Variants in WFDC11 observed in about 807,000 individuals in gnomAD.
The protein encoded by WFDC11 is protein WFDC11.
Under a neutral mutation model 9.9 loss-of-function variants are expected in WFDC11, and 9 were observed. The ratio of observed to expected loss-of-function variants is 0.91; its 90% CI spans 0.55 to 1.58. WFDC11 has a LOEUF of 1.58. Ranked by LOEUF, WFDC11 falls within the 40% of genes most tolerant of loss-of-function variation. WFDC11 has a pLI of 0.00. For missense variants in WFDC11, 106 were observed against 101.7 expected (o/e 1.04, Z -0.18); for synonymous variants, 32 against 33.3 (o/e 0.96, Z 0.13).
At chr20:45,660,818 G>A (rs530411852) in intron 2 of WFDC11, among the ~76,000 whole-genome samples, 41 of 152,270 alleles carry the variant, frequency 2.7e-4, no homozygotes, top group African/African-American at 9.9e-4. Flanking sequence ...GTCTATCATT[G>A]TTGGACATTT....
At chr20:45,651,099 G>A (rs1339750146) in intron 2 of WFDC11, among the ~76,000 whole-genome samples, 1 of 152,084 alleles carries the variant, frequency 6.6e-6, no homozygotes, top group Admixed American at 6.5e-5. Context: ...CCCAGTGTTG[G>A]TTGTTCCTTC....
In WFDC11 at chr20:45,652,907, A is replaced by G. The variant is rs1482651071; in HGVS notation, c.-51-2256T>C. The stretch of plus-strand genomic sequence containing the variant: ...AAAAAGAATAAAAACAAATGAACAA[A>G]GCCTCCAAGAAATATGGGACTATGT... On this transcript the variant is annotated intron_variant, in intron 2 of 4. Transcript: ENST00000324384. 2.0e-5 allele frequency among the ~76,000 whole-genome samples: 3 copies of G among 152,196 alleles called. No individual in the cohort carries two copies. In the East Asian group the frequency reaches 5.8e-4, roughly 29 times the overall value.
At chr20:45,649,760 C>T (rs1037376265) in intron 3 of WFDC11, among the ~76,000 whole-genome samples, 7 of 152,156 alleles carry the variant, frequency 4.6e-5, no homozygotes, top group Non-Finnish European at 1.0e-4. Flanking sequence ...TCTCAGGGCC[C>T]GGCATATCTT....
chr20:45,650,249 G>T (rs6032408), intron 3 of WFDC11, among the ~76,000 whole-genome samples: 110,149 of 149,110 alleles, frequency 0.74, 40,711 homozygotes, highest in East Asian at 0.99. Context: ...TATATATATA[G>T]AGAGAGAGAG....
intron 2 of WFDC11, among the ~76,000 whole-genome samples, chr20:45,653,973 A>T (rs762454716): frequency 2.6e-4 from 40 of 152,168 alleles, no homozygotes; most frequent in Non-Finnish European, 5.1e-4. Flanking sequence ...CTCCCACACA[A>T]TAATAATGGG....
Position 45,654,609 on chromosome 20 carries a change from T to TA in WFDC11, c.-51-3959dup, listed in dbSNP as rs955299233. Among the ~76,000 whole-genome samples, 5 of 151,824 alleles carry TA rather than the reference T, an allele frequency of 3.3e-5. 1 individual carries two copies. The South Asian group carries it at 6.2e-4, about 19-fold the overall frequency. Reference sequence around the variant, plus strand: ...AAAGGAACTGAAGGAAATAGAGACATAAAAAACCCTTCAAAAAATCAATGA... The same window carrying TA: ...AAAGGAACTGAAGGAAATAGAGACATAAAAAAACCCTTCAAAAAATCAATGA... On this transcript the variant is annotated intron_variant, in intron 2 of 4. Coordinates refer to ENST00000324384, the MANE Select transcript of WFDC11 (RefSeq NM_147197.2).
intron 2 of WFDC11, among the ~76,000 whole-genome samples, chr20:45,658,021 T>C (rs547352654): frequency 2.0e-5 from 3 of 152,338 alleles, no homozygotes; most frequent in East Asian, 3.9e-4. Context: ...CTTGCTGTTA[T>C]ATAATGACTT....
intron 2 of WFDC11, among the ~76,000 whole-genome samples, chr20:45,659,860 G>C (rs1243487658): frequency 6.6e-6 from 1 of 152,156 alleles, no homozygotes; most frequent in African/African-American, 2.4e-5. Context: ...TTGTGTTTAA[G>C]TCTTTAATCC....
chr20:45,656,424 C>T (rs1426844967), intron 2 of WFDC11, among the ~76,000 whole-genome samples: 3 of 152,102 alleles, frequency 2.0e-5, no homozygotes, highest in Admixed American at 6.5e-5. Flanking sequence ...ACACCTTATA[C>T]AAAAATTAAT....
intron 2 of WFDC11, among the ~76,000 whole-genome samples, chr20:45,653,706 C>A (rs1343121598): frequency 6.6e-6 from 1 of 152,152 alleles, no homozygotes; most frequent in East Asian, 1.9e-4. Context: ...CAGAGACACA[C>A]ATACGCTCAA....
intron 2 of WFDC11, among the ~76,000 whole-genome samples, chr20:45,653,946 C>A (rs1982865109): frequency 6.6e-6 from 1 of 152,134 alleles, no homozygotes; most frequent in African/African-American, 2.4e-5. Flanking sequence ...CCTGAGTGAC[C>A]TACAAAGAGA....
chr20:45,657,505 G>A lies in WFDC11; in HGVS notation c.-51-6854C>T, dbSNP rs553813023. ...GTTAAATGACGAGTTACTGGGTGCA[G>A]CACACCAATATGGCACATGTATACA... On this transcript the variant is annotated intron_variant, in intron 2 of 4. Transcript: ENST00000324384. Among the ~76,000 whole-genome samples, 147 of 152,186 alleles carry A rather than the reference G, an allele frequency of 9.7e-4. 2 individuals carry two copies. The highest frequency in any genetic ancestry group is 3.3e-3 in the African/African-American group (136 of 41,516).
chr20:45,660,644 C>T (rs937451353), intron 2 of WFDC11, among the ~76,000 whole-genome samples: 17 of 152,110 alleles, frequency 1.1e-4, no homozygotes, highest in African/African-American at 3.1e-4. Flanking sequence ...CAATTCCCAC[C>T]TATGAGTGAG....
chr20:45,656,343 C>T (rs1982931199), intron 2 of WFDC11, among the ~76,000 whole-genome samples: 1 of 152,112 alleles, frequency 6.6e-6, no homozygotes, highest in South Asian at 2.1e-4. Flanking sequence ...GGAAAGGATT[C>T]CCTATTTAAT....
intron 2 of WFDC11, among the ~76,000 whole-genome samples, chr20:45,652,144 G>T (rs915543917): frequency 2.0e-5 from 3 of 152,188 alleles, no homozygotes; most frequent in African/African-American, 7.2e-5. Context: ...TTCTCAAGTG[G>T]GTCCCTGACC....
At chr20:45,660,931 C>T (rs1009710140) in intron 2 of WFDC11, among the ~76,000 whole-genome samples, 7 of 152,172 alleles carry the variant, frequency 4.6e-5, no homozygotes, top group African/African-American at 1.7e-4. Flanking sequence ...GGTATATACC[C>T]AGTAATGGGA....
At chr20:45,666,469 A>C (rs2145624849) in intron 2 of WFDC11, among the ~76,000 whole-genome samples, 1 of 152,260 alleles carries the variant, frequency 6.6e-6, no homozygotes, top group East Asian at 1.9e-4. Context: ...ACCAGGTACC[A>C]CAGTTGGAAA....
At chr20:45,653,209 A>C (rs1425331565) in intron 2 of WFDC11, among the ~76,000 whole-genome samples, 1 of 152,234 alleles carries the variant, frequency 6.6e-6, no homozygotes, top group Non-Finnish European at 1.5e-5. Context: ...AGGGAAGCCC[A>C]TCAGACTAAC....
intron 2 of WFDC11, among the ~76,000 whole-genome samples, chr20:45,654,016 G>C (rs909838134): frequency 6.6e-6 from 1 of 152,160 alleles, no homozygotes; most frequent in African/African-American, 2.4e-5. Context: ...ACATTAGACA[G>C]ACCAACAAGA....
Sources: allele counts gnomAD v4.1 joint callset (sites outside exome capture counted in the v4.1 genomes callset), GRCh38; gene constraint gnomAD v4.1.1; transcripts MANE v1.5; gene names NCBI Gene and HGNC (gene_info 2026-07-23, HGNC 2026-07-21).